MATR3: variants seen among roughly 807,000 people sequenced by gnomAD.
The protein encoded by MATR3 is matrin-3.
A neutral mutation model predicts 85.5 loss-of-function variants in MATR3; 4 were observed. That is an observed-to-expected ratio of 0.05 (90% CI 0.02 to 0.11). MATR3 has a LOEUF of 0.11. Ranked by LOEUF, MATR3 falls within the 10% of genes least tolerant of loss-of-function variation. MATR3 has a pLI of 1.00. For synonymous variants in MATR3, 336 were observed against 343.1 expected, an observed-to-expected ratio of 0.98 and a Z score of 0.23; for missense variants, 685 against 1,016.1, an observed-to-expected ratio of 0.67 and a Z score of 4.43.
At position 139,308,238 on chromosome 5, in the gene MATR3, A is replaced by G. The variant is rs375756727; in HGVS notation, c.823A>G (p.Ser275Gly). The G allele has an allele frequency of 1.2e-6, 2 of 1,613,982 alleles. No homozygotes were observed. Among genetic ancestry groups the G allele is most frequent in the African/African-American group, 1.3e-5 (1 of 74,908 alleles). ...TGAGAAAAAGAGAGGCGCTCCTCCA[A>G]GTAGCAATATTGAAGACTTCCATGG... ...LFEKKRGAPP[S>G]SNIEDFHGLL... The change falls in exon 2 of 15, where the codon AGT (serine) becomes GGT (glycine). Residue 275 changes from serine (S) to glycine (G), a missense_variant. Ser to Gly is a moderately conservative substitution (Grantham distance 56). This residue lies in a region of MATR3 where 223 missense variants were observed against 334.4 expected (regional missense o/e 0.67). Coordinates refer to ENST00000394805, the MANE Select transcript of MATR3 (RefSeq NM_018834.6).
intron 2 of MATR3, chr5:139,310,067 G>A (rs1264624397): frequency 6.6e-6 from 1 of 152,156 alleles, no homozygotes; most frequent in Non-Finnish European, 1.5e-5. Context: ...AGAGGACTTC[G>A]AGAAAAGTTT....
At chr5:139,314,983 T>G in intron 3 of MATR3, 1 of 430,378 alleles carries the variant, frequency 2.3e-6, no homozygotes, top group South Asian at 2.2e-5. Flanking sequence ...ATTATACAAA[T>G]TGGTGATTTT....
Position 139,307,047 on chromosome 5 carries a change from C to T in MATR3, c.-177-192C>T, listed in dbSNP as rs1456593520. 7.0e-6 allele frequency among the ~76,000 whole-genome samples: 1 copy of T among 143,666 alleles called. No homozygotes were observed. Among genetic ancestry groups the T allele is most frequent in the African/African-American group, 2.5e-5 (1 of 40,690 alleles). The allele number at this position is 143,666 out of a possible 152,430, so 94.3% of individuals were successfully genotyped here. ...AATAGTTAAGCTTTAGCATGAAATA[C>T]TACTTTTTAAATATCTATATGCAGG... On this transcript the variant is annotated intron_variant, in intron 1 of 14. Transcript: ENST00000394805. The surrounding 1 kb of genome is among the most constrained non-coding windows in gnomAD (Gnocchi z 4.4).
At position 139,330,253 on chromosome 5, in the gene MATR3, G is replaced by A. The variant is rs1237687059; in HGVS notation, c.*858G>A. The A allele has an allele frequency of 1.3e-5, 6 of 453,674 alleles. No homozygotes were observed. The highest frequency in any genetic ancestry group is 2.4e-5 in the Admixed American group (1 of 42,466). The allele number at this position is 453,674 out of a possible 1,614,324, so 28.1% of individuals were successfully genotyped here. A position where few individuals can be genotyped will look rare whatever the true frequency, so the allele number is the denominator to read the frequency against. ...AGTTTGGCCATAATCCTAGATGCAC[G>A]CTTCTAATTCATGTACCTGCACATG... On this transcript the variant is annotated 3_prime_UTR_variant, in exon 15 of 15. Coordinates refer to ENST00000394805, the MANE Select transcript of MATR3 (RefSeq NM_018834.6).
chr5:139,326,410 A>G (rs999705427), intron 14 of MATR3, 126 bp downstream of exon 14: 2 of 844,480 alleles, frequency 2.4e-6, no homozygotes, highest in Non-Finnish European at 3.5e-6. Context: ...CCTGAAGATA[A>G]CTTTTTATTT....
chr5:139,287,477 G>C (rs536254336), intron 3 of MATR3, among the ~76,000 whole-genome samples: 1 of 152,214 alleles, frequency 6.6e-6, no homozygotes, highest in East Asian at 1.9e-4. Context: ...AAATTAGCTG[G>C]ACATGTTGGC....
upstream of MATR3, among the ~76,000 whole-genome samples, chr5:139,290,310 A>ATT (rs1412317708): frequency 6.6e-6 from 1 of 151,130 alleles, no homozygotes; most frequent in Non-Finnish European, 1.5e-5. Flanking sequence ...CACCCAGCTA[A>ATT]TTTTTTATAT....
intron 1 of MATR3, among the ~76,000 whole-genome samples, chr5:139,302,282 C>CAT: frequency 6.6e-6 from 1 of 152,140 alleles, no homozygotes; most frequent in Non-Finnish European, 1.5e-5. Flanking sequence ...ACTCTTAAGC[C>CAT]ACTCAAGGTA....
intron 1 of MATR3, among the ~76,000 whole-genome samples, chr5:139,298,030 G>A (rs773360133): frequency 1.8e-4 from 27 of 152,308 alleles, no homozygotes; most frequent in Middle Eastern, 3.4e-3. Flanking sequence ...AGTAAATGCA[G>A]CAAGTATGGA....
chr5:139,290,631 G>A (rs950191987), upstream of MATR3, among the ~76,000 whole-genome samples: 1 of 151,324 alleles, frequency 6.6e-6, no homozygotes, highest in Non-Finnish European at 1.5e-5. Flanking sequence ...TGTATTTTTT[G>A]TAGAGACATG....
rs1367813357 is a variant in MATR3, at chr5:139,330,793, T to A, written c.*1398T>A. The A allele has an allele frequency of 8.8e-6, 4 of 454,008 alleles. No individual in the cohort carries two copies. Among genetic ancestry groups the A allele is most frequent in the Non-Finnish European group, 1.8e-5 (4 of 226,796 alleles). 28.1% of individuals were successfully genotyped at this position (454,008 alleles called of 1,614,324 possible). On this transcript the variant is annotated 3_prime_UTR_variant, in exon 15 of 15. Coordinates refer to ENST00000394805, the MANE Select transcript of MATR3 (RefSeq NM_018834.6). ...TCTTGGTATATTGGATTATCTGTTG[T>A]AAACAATTTTTTTTTCTTCCCTGAC...
rs1307498115 is a variant in MATR3 at position 139,327,381 on chromosome 5, T to C, written c.2493+1097T>C. ...TACCATCCTGTATATGAAGAAAGAA[T>C]TGTGGCTATTTGCAATGGTAGCAGC... On this transcript the variant is annotated intron_variant, in intron 14 of 14. Coordinates refer to ENST00000394805, the MANE Select transcript of MATR3 (RefSeq NM_018834.6). 3.3e-5 allele frequency among the ~76,000 whole-genome samples: 5 copies of C among 151,948 alleles called. No homozygotes were observed. In the East Asian group the frequency reaches 9.6e-4, roughly 29 times the overall value.
At chr5:139,310,342 A>G (rs1754906670) in intron 2 of MATR3, 1 of 152,184 alleles carries the variant, frequency 6.6e-6, no homozygotes, top group Non-Finnish European at 1.5e-5. Flanking sequence ...CTTTTGTTTA[A>G]TTCTGTGGTT....
intron 9 of MATR3, among the ~76,000 whole-genome samples, chr5:139,321,246 T>A (rs906173747): frequency 6.6e-6 from 1 of 151,968 alleles, no homozygotes; most frequent in African/African-American, 2.4e-5. Flanking sequence ...GCCTCCTGGG[T>A]TCAAGCAGTT....
rs138375673 is a variant in MATR3, at chr5:139,297,716, C to G, written c.-178+3911C>G. The stretch of plus-strand genomic sequence containing the variant: ...ATAATTTTCCAGTTGTACATCAAGC[C>G]CTAATGTTCTCTGTATAGATAAAGC... On this transcript the variant is annotated intron_variant, in intron 1 of 14. Transcript: ENST00000394805. 3.8e-3 allele frequency among the ~76,000 whole-genome samples: 583 copies of G among 152,146 alleles called. 1 individual carries two copies. Among genetic ancestry groups the G allele is most frequent in the Non-Finnish European group, 6.4e-3 (436 of 68,014 alleles).
chr5:139,316,901 T>C (rs892367811), intron 5 of MATR3, 152 bp from the exon 6 acceptor site: 9 of 696,932 alleles, frequency 1.3e-5, no homozygotes, highest in Middle Eastern at 3.1e-4. Flanking sequence ...ATTCAAATAT[T>C]ACACAGAAAA....
intron 2 of MATR3, chr5:139,276,281 A>T: frequency 1.1e-5 from 5 of 452,270 alleles, no homozygotes; most frequent in South Asian, 7.7e-5. Flanking sequence ...GCCCTGGTTC[A>T]TGCCAACTCT....
At chr5:139,305,101 GTTGAAACTGAGTATC>G (rs1484058262) in intron 1 of MATR3, among the ~76,000 whole-genome samples, 1 of 152,104 alleles carries the variant, frequency 6.6e-6, no homozygotes, top group Non-Finnish European at 1.5e-5. Context: ...TGCATTTTAC[GTTGAAACTGAGTATC>G]TTAAAACTAC....
chr5:139,274,954 A>G (rs1753214576), intron 1 of MATR3, among the ~76,000 whole-genome samples: 2 of 151,534 alleles, frequency 1.3e-5, no homozygotes, highest in Non-Finnish European at 2.9e-5. Context: ...AGGAATATTT[A>G]TTATCATTTG....
Sources: gnomAD v4.1 joint callset for allele counts (sites outside exome capture counted in the v4.1 genomes callset) on GRCh38, gnomAD v4.1.1 for gene constraint, gnomAD v4.1.1 regional missense constraint, Gnocchi (gnomAD v3.1) non-coding constraint, MANE v1.5 for transcripts, NCBI Gene and HGNC (gene_info 2026-07-23, HGNC 2026-07-21) for gene names.